The following CDH12 variants were observed in gnomAD, a reference collection of about 807,000 sequenced individuals.
CDH12 encodes cadherin-12.
In CDH12, 41 loss-of-function variants were observed where a neutral mutation model predicts 74.1. That is an observed-to-expected ratio of 0.55 (90% confidence interval 0.43 to 0.72). The LOEUF (loss-of-function observed/expected upper bound fraction) is 0.72, where lower values mean the gene tolerates loss of function less well. Ranked by LOEUF, CDH12 falls within the 30% of genes least tolerant of loss-of-function variation. CDH12 has a pLI of 0.00. For synonymous variants in CDH12, 399 were observed against 355.0 expected (o/e 1.12, Z -1.39); for missense variants, 945 against 977.2 (o/e 0.97, Z 0.44).
At chr5:22,615,506 G>C (rs768569378) in intron 1 of CDH12, among the ~76,000 whole-genome samples, 4 of 151,930 alleles carry the variant, frequency 2.6e-5, no homozygotes, top group Non-Finnish European at 4.4e-5. Flanking sequence ...GGAAATTTTA[G>C]GTCCTAGCAG....
chr5:21,967,757 A>T (rs1756650073), intron 6 of CDH12, among the ~76,000 whole-genome samples: 1 of 152,158 alleles, frequency 6.6e-6, no homozygotes, highest in Non-Finnish European at 1.5e-5. Flanking sequence ...AAAACACAGG[A>T]ATCAAACAGA....
At chr5:21,873,606 T>G (rs2150022338) in intron 6 of CDH12, among the ~76,000 whole-genome samples, 1 of 151,830 alleles carries the variant, frequency 6.6e-6, no homozygotes, top group African/African-American at 2.4e-5. Context: ...AAATCCTCTT[T>G]TATGTGCTAT....
intron 6 of CDH12, among the ~76,000 whole-genome samples, chr5:21,927,174 A>G (rs1754622154): frequency 6.6e-6 from 1 of 152,226 alleles, no homozygotes; most frequent in African/African-American, 2.4e-5. Context: ...CAAGTAATTA[A>G]GGAGCAAAAT....
At chr5:22,299,259 G>GGA (rs149455206) in intron 3 of CDH12, among the ~76,000 whole-genome samples, 1 of 151,894 alleles carries the variant, frequency 6.6e-6, no homozygotes, top group Non-Finnish European at 1.5e-5. Context: ...GGGTGGGGTT[G>GGA]GAGAGAGAGA....
intron 1 of CDH12, among the ~76,000 whole-genome samples, chr5:22,731,203 G>C (rs533436908): frequency 7.2e-5 from 11 of 151,878 alleles, no homozygotes; most frequent in African/African-American, 2.4e-4. Flanking sequence ...CACTTATTTG[G>C]TTATCACTTC....
intron 1 of CDH12, among the ~76,000 whole-genome samples, chr5:22,705,124 T>TACACACACACACAC (rs1418617930): frequency 1.0e-5 from 1 of 95,752 alleles, no homozygotes. Context: ...GTCATATATA[T>TACACACACACACAC]ATATATACAC....
chr5:22,161,516 G>A (rs1466083762), intron 4 of CDH12, among the ~76,000 whole-genome samples: 2 of 151,910 alleles, frequency 1.3e-5, no homozygotes, highest in East Asian at 3.9e-4. Context: ...GGACAACATA[G>A]CAAGACCCTG....
chr5:22,242,361 G>GT (rs1399459456), intron 3 of CDH12, among the ~76,000 whole-genome samples: 1 of 151,926 alleles, frequency 6.6e-6, no homozygotes, highest in Non-Finnish European at 1.5e-5. Flanking sequence ...TATATTTTTC[G>GT]TTTTTTTCAT....
Position 21,751,632 on chromosome 5 carries a change from T to TTGTGTGTGTGTGTG in CDH12, c.*91_*104dup, listed in dbSNP as rs70957059. 1,052 of 572,772 alleles carry TTGTGTGTGTGTGTG rather than the reference T, an allele frequency of 1.8e-3. 6 individuals are homozygous for TTGTGTGTGTGTGTG. Among genetic ancestry groups the TTGTGTGTGTGTGTG allele is most frequent in the African/African-American group, 0.015 (733 of 50,462 alleles). The allele number at this position is 572,772 out of a possible 1,614,324, so 35.5% of individuals were successfully genotyped here. Reference sequence around the variant, plus strand: ...AGAGTGTGTGTGTGTGTGTGTGTGTTTGTGTGTGTGTGTGTGTGTGAGAGA... The same window carrying TTGTGTGTGTGTGTG: ...AGAGTGTGTGTGTGTGTGTGTGTGTTTGTGTGTGTGTGTGTGTGTGTGTGTGTGTGTGTGAGAGA... On this transcript the variant is annotated 3_prime_UTR_variant, in exon 15 of 15. Coordinates refer to ENST00000382254, the MANE Select transcript of CDH12 (RefSeq NM_004061.5).
At chr5:21,831,007 C>T (rs1300105151) in intron 8 of CDH12, among the ~76,000 whole-genome samples, 1 of 151,450 alleles carries the variant, frequency 6.6e-6, no homozygotes, top group African/African-American at 2.4e-5. Context: ...CACTGCACTC[C>T]AAGCCGGGGC....
rs185157309 is a variant in CDH12, at chr5:22,785,238, C to T, written c.-523+67820G>A. On this transcript the variant is annotated intron_variant, in intron 1 of 14. Transcript: ENST00000382254. ...CTTCTTACTTTGTGAAATTTTTAAT[C>T]TCAAGAGTCATTCAGTGTTATTGCC... Among the ~76,000 whole-genome samples the T allele has an allele frequency of 3.5e-4, 53 of 152,208 alleles. No homozygotes were observed. The East Asian group carries it at 0.01, about 29-fold the overall frequency.
At chr5:22,291,751 T>C (rs563028111) in intron 3 of CDH12, among the ~76,000 whole-genome samples, 5 of 152,110 alleles carry the variant, frequency 3.3e-5, no homozygotes, top group Admixed American at 6.5e-5. Flanking sequence ...TTGGATTAAT[T>C]AATATTGTTT....
chr5:22,062,278 G>A (rs540682521), intron 5 of CDH12, among the ~76,000 whole-genome samples: 37 of 152,230 alleles, frequency 2.4e-4, no homozygotes, highest in Non-Finnish European at 4.3e-4. Flanking sequence ...TTGTAAAGGA[G>A]AGAGAACTAG....
chr5:22,187,035 A>G (rs1749995068), intron 4 of CDH12, among the ~76,000 whole-genome samples: 1 of 152,194 alleles, frequency 6.6e-6, no homozygotes, highest in Admixed American at 6.5e-5. Context: ...TTACAATATA[A>G]ATTTATAAAA....
intron 3 of CDH12, among the ~76,000 whole-genome samples, chr5:22,290,384 C>T (rs1737332420): frequency 6.6e-6 from 1 of 151,762 alleles, no homozygotes; most frequent in Admixed American, 6.6e-5. Flanking sequence ...TACAGGAGAG[C>T]CATTCAATGG....
At chr5:21,932,194 A>G (rs935530298) in intron 6 of CDH12, among the ~76,000 whole-genome samples, 7 of 152,224 alleles carry the variant, frequency 4.6e-5, no homozygotes, top group Non-Finnish European at 8.8e-5. Flanking sequence ...CTGGTCAAAT[A>G]TAATATGCAC....
At chr5:22,118,974 G>A (rs1219617106) in intron 4 of CDH12, among the ~76,000 whole-genome samples, 5 of 152,100 alleles carry the variant, frequency 3.3e-5, no homozygotes, top group African/African-American at 1.2e-4. Flanking sequence ...AAAAAGTGGA[G>A]TATTGACAGT....
rs3050972 is a variant in CDH12 at position 22,843,613 on chromosome 5, G to GGTGTGTGT, written c.-523+9437_-523+9444dup. 2.1e-3 allele frequency among the ~76,000 whole-genome samples: 310 copies of GGTGTGTGT among 147,886 alleles called. 3 individuals carry two copies. Among genetic ancestry groups the GGTGTGTGT allele is most frequent in the African/African-American group, 5.6e-3 (228 of 40,426 alleles). ...TGAAGAAGTTGTTCTTAACATTTGT[G>GGTGTGTGT]GTGTGTGTGTGTGTGTGTGTGTGTG... On this transcript the variant is annotated intron_variant, in intron 1 of 14. Coordinates refer to ENST00000382254, the MANE Select transcript of CDH12 (RefSeq NM_004061.5).
chr5:22,654,803 G>C (rs866800361), intron 1 of CDH12, among the ~76,000 whole-genome samples: 1 of 150,946 alleles, frequency 6.6e-6, no homozygotes, highest in Non-Finnish European at 1.5e-5. Context: ...GCTAATTTTT[G>C]TATTTTTAGT....
Sources: gnomAD v4.1 joint callset for allele counts (sites outside exome capture counted in the v4.1 genomes callset) on GRCh38, gnomAD v4.1.1 for gene constraint, MANE v1.5 for transcripts, NCBI Gene and HGNC (gene_info 2026-07-23, HGNC 2026-07-21) for gene names.